GRIP1: variants seen among roughly 807,000 people sequenced by gnomAD.
The protein encoded by GRIP1 is glutamate receptor-interacting protein 1.
In GRIP1, 45 loss-of-function variants were observed where a neutral mutation model predicts 129.9. The ratio of observed to expected loss-of-function variants is 0.35; its 90% CI spans 0.27 to 0.44. The LOEUF is 0.44. Ranked by LOEUF, GRIP1 falls within the 20% of genes least tolerant of loss-of-function variation. GRIP1 has a pLI of 1.00. For missense variants in GRIP1, 1,196 were observed against 1,396.8 expected, an observed-to-expected ratio of 0.86 and a Z score of 2.29; for synonymous variants, 530 against 520.8, an observed-to-expected ratio of 1.02 and a Z score of -0.24.
rs2063044925 is a variant in GRIP1, at chr12:66,573,777, C to G, written c.136+23070G>C. ...GAGAAACTGAAAGAAACAAGCTGTG[C>G]TGGACACACATGTACAGGGTACGGA... On this transcript the variant is annotated intron_variant, in intron 2 of 24. Transcript: ENST00000359742. 3.3e-5 allele frequency among the ~76,000 whole-genome samples: 5 copies of G among 152,300 alleles called. No individual in the cohort carries two copies. In the South Asian group the frequency reaches 1.0e-3, roughly 32 times the overall value.
intron 1 of GRIP1, among the ~76,000 whole-genome samples, chr12:66,830,085 G>A (rs895553038): frequency 6.6e-6 from 1 of 152,132 alleles, no homozygotes; most frequent in Non-Finnish European, 1.5e-5. Flanking sequence ...TAATCACATA[G>A]CTAGTATGTG....
chr12:66,762,450 C>T (rs2037505312), intron 1 of GRIP1, among the ~76,000 whole-genome samples: 1 of 152,178 alleles, frequency 6.6e-6, no homozygotes, highest in Non-Finnish European at 1.5e-5. Flanking sequence ...TTCCCTCTTT[C>T]ATTTTCCTGT....
chr12:66,707,181 A>G (rs893715014), intron 1 of GRIP1, among the ~76,000 whole-genome samples: 1 of 151,812 alleles, frequency 6.6e-6, no homozygotes, highest in Non-Finnish European at 1.5e-5. Context: ...CTACTCTGTA[A>G]CCTTCTACTC....
chr12:66,934,651 G>T (rs1478968296), intron 1 of GRIP1, among the ~76,000 whole-genome samples: 1 of 152,190 alleles, frequency 6.6e-6, no homozygotes, highest in Non-Finnish European at 1.5e-5. Flanking sequence ...CTTGTGAAAT[G>T]ATCAAGTTCT....
intron 1 of GRIP1, among the ~76,000 whole-genome samples, chr12:66,600,928 G>A (rs1411550231): frequency 1.3e-5 from 2 of 152,144 alleles, no homozygotes; most frequent in Non-Finnish European, 2.9e-5. Flanking sequence ...CTTTTCTAAC[G>A]ACATCTTAGC....
chr12:66,572,406 G>T (rs937463535), intron 2 of GRIP1, among the ~76,000 whole-genome samples: 1 of 152,150 alleles, frequency 6.6e-6, no homozygotes, highest in African/African-American at 2.4e-5. Flanking sequence ...TAAAGGTAAA[G>T]TGTGTTTCCT....
chr12:66,714,916 CATCCATCCA>C (rs764014178), intron 1 of GRIP1, among the ~76,000 whole-genome samples: 2,553 of 150,314 alleles, frequency 0.017, 21 homozygotes, highest in Middle Eastern at 0.045. Context: ...TCCATCCATC[CATCCATCCA>C]ATCCAATCCA....
Position 66,967,001 on chromosome 12 carries a change from T to C in GRIP1, c.58+102049A>G, listed in dbSNP as rs560900086. ...AGGAGATACTGCTTCTTCTCCTCCA[T>C]TTATTTATTTTTTGTATAGATACAC... On this transcript the variant is annotated intron_variant, in intron 1 of 1. Transcript: ENST00000643019. Among the ~76,000 whole-genome samples the C allele has an allele frequency of 2.0e-5, 3 of 152,268 alleles. No individual in the cohort carries two copies. In the South Asian group the frequency reaches 6.2e-4, roughly 32 times the overall value.
chr12:66,578,107 A>G lies in GRIP1; in HGVS notation c.136+18740T>C, dbSNP rs1233555845. On this transcript the variant is annotated intron_variant, in intron 2 of 24. Coordinates refer to ENST00000359742, the MANE Select transcript of GRIP1 (RefSeq NM_001366722.1). ...AACTGCTGAAAACTTCAATAAAAATATAAAATATTCTGGGACAGGCATGGT... is the reference window on the plus strand; with the variant it reads ...AACTGCTGAAAACTTCAATAAAAATGTAAAATATTCTGGGACAGGCATGGT... 2.6e-5 allele frequency among the ~76,000 whole-genome samples: 4 copies of G among 152,172 alleles called. No homozygotes were observed. In the East Asian group the frequency reaches 5.8e-4, roughly 22 times the overall value.
At chr12:66,763,081 C>T (rs1199159310) in intron 1 of GRIP1, among the ~76,000 whole-genome samples, 4 of 152,062 alleles carry the variant, frequency 2.6e-5, no homozygotes, top group Middle Eastern at 3.2e-3. Flanking sequence ...AATTGCAACA[C>T]TTTTATAAAG....
chr12:66,618,511 C>T (rs1375843124), intron 1 of GRIP1, among the ~76,000 whole-genome samples: 1 of 151,928 alleles, frequency 6.6e-6, no homozygotes, highest in Non-Finnish European at 1.5e-5. Flanking sequence ...AAACTACCTG[C>T]TTTGAATCTA....
intron 19 of GRIP1, among the ~76,000 whole-genome samples, chr12:66,392,080 C>T (rs2056609986): frequency 6.6e-6 from 1 of 152,106 alleles, no homozygotes; most frequent in African/African-American, 2.4e-5. Context: ...ATCAGTAGAC[C>T]TAATGGAGGC....
chr12:66,803,910 A>G (rs2038926331), intron 1 of GRIP1: 3 of 319,016 alleles, frequency 9.4e-6, no homozygotes, highest in South Asian at 8.2e-5. Context: ...AATCAAGCAA[A>G]ACATAGCACT....
chr12:66,684,749 G>T (rs1236384452), intron 1 of GRIP1, among the ~76,000 whole-genome samples: 3 of 152,172 alleles, frequency 2.0e-5, no homozygotes, highest in Non-Finnish European at 4.4e-5. Flanking sequence ...GGAGGCTGAG[G>T]CAGGAGAATC....
chr12:66,681,391 G>C (rs559637113), upstream of GRIP1, among the ~76,000 whole-genome samples: 2 of 152,174 alleles, frequency 1.3e-5, no homozygotes, highest in East Asian at 3.9e-4. Flanking sequence ...TCTAGCACTG[G>C]TAAAATGCCT....
At chr12:67,000,967 A>T (rs941005161) in intron 1 of GRIP1, among the ~76,000 whole-genome samples, 1 of 152,182 alleles carries the variant, frequency 6.6e-6, no homozygotes, top group African/African-American at 2.4e-5. Context: ...TTTGTTATTT[A>T]TCTGAAATTC....
intron 1 of GRIP1, among the ~76,000 whole-genome samples, chr12:66,922,508 G>A (rs905196721): frequency 6.6e-6 from 1 of 152,188 alleles, no homozygotes; most frequent in East Asian, 1.9e-4. Flanking sequence ...GGAAAGTGTT[G>A]CAGACTGCAA....
At chr12:66,763,340 G>A (rs576733499) in intron 1 of GRIP1, among the ~76,000 whole-genome samples, 9 of 152,166 alleles carry the variant, frequency 5.9e-5, no homozygotes, top group East Asian at 5.8e-4. Flanking sequence ...GTCATTTGCC[G>A]GTTTGAATTG....
intron 1 of GRIP1, among the ~76,000 whole-genome samples, chr12:66,899,038 G>C (rs1053212301): frequency 6.6e-6 from 1 of 152,134 alleles, no homozygotes; most frequent in African/African-American, 2.4e-5. Flanking sequence ...AGGTTGTCTT[G>C]TTTTTCTGGT....
Sources: allele counts gnomAD v4.1 joint callset (sites outside exome capture counted in the v4.1 genomes callset), GRCh38; gene constraint gnomAD v4.1.1; transcripts MANE v1.5; gene names NCBI Gene and HGNC (gene_info 2026-07-23, HGNC 2026-07-21).